Variants in CTNNA3 observed in about 807,000 individuals in gnomAD.
CTNNA3 encodes catenin alpha-3.
In CTNNA3, 76 loss-of-function variants were observed where a neutral mutation model predicts 95.7. The ratio of observed to expected loss-of-function variants is 0.79; its 90% CI spans 0.66 to 0.96. The LOEUF is 0.96. Ranked by LOEUF, CTNNA3 falls within the 40% of genes least tolerant of loss-of-function variation. CTNNA3 has a pLI of 0.00. For synonymous variants in CTNNA3, 431 were observed against 374.4 expected (o/e 1.15, Z -1.74); for missense variants, 1,191 against 1,089.8 (o/e 1.09, Z -1.31).
chr10:66,487,985 T>C (rs10997176), intron 11 of CTNNA3, among the ~76,000 whole-genome samples: 9,771 of 152,228 alleles, frequency 0.064, 663 homozygotes, highest in African/African-American at 0.17. Context: ...TATTTGTGTA[T>C]ATGGGTAGAA....
At chr10:66,429,746 A>C (rs10466002) in intron 11 of CTNNA3, among the ~76,000 whole-genome samples, 62,405 of 151,796 alleles carry the variant, frequency 0.41, 13,873 homozygotes, top group East Asian at 0.6. Flanking sequence ...ATTGATGGGA[A>C]GTATCTAAAA....
At chr10:67,348,339 C>T (rs970464575) in intron 5 of CTNNA3, among the ~76,000 whole-genome samples, 4 of 152,062 alleles carry the variant, frequency 2.6e-5, no homozygotes, top group East Asian at 1.9e-4. Context: ...GCAAAGGAAA[C>T]AATTGACAGG....
intron 17 of CTNNA3, among the ~76,000 whole-genome samples, chr10:65,958,888 C>T (rs1242276106): frequency 2.0e-5 from 3 of 152,188 alleles, no homozygotes; most frequent in African/African-American, 7.2e-5. Context: ...TCTCAAACTC[C>T]ATGCTGGGAA....
chr10:67,609,937 T>G (rs1843405320), intron 2 of CTNNA3, among the ~76,000 whole-genome samples: 1 of 152,198 alleles, frequency 6.6e-6, no homozygotes, highest in South Asian at 2.1e-4. Flanking sequence ...AGAATAATAA[T>G]AAGCCTGATT....
At chr10:66,900,260 C>G (rs888039297) in intron 7 of CTNNA3, among the ~76,000 whole-genome samples, 8 of 152,168 alleles carry the variant, frequency 5.3e-5, no homozygotes, top group Non-Finnish European at 1.2e-4. Flanking sequence ...CAAACTCCAA[C>G]AGACCTGCAG....
intron 5 of CTNNA3, among the ~76,000 whole-genome samples, chr10:67,234,501 TG>T (rs1307902557): frequency 6.6e-6 from 1 of 152,212 alleles, no homozygotes; most frequent in Admixed American, 6.5e-5. Flanking sequence ...TAGGTATTGA[TG>T]GGGCGTATTT....
rs192563251 is a variant in CTNNA3, at chr10:67,537,982, T to C, written c.459+1521A>G. ...AGCTACTTAAACTAAAAAAAAAAGA[T>C]TGAATTGCTCTTTTTACTGTAATAA... On this transcript the variant is annotated intron_variant, in intron 4 of 17. Transcript: ENST00000433211. 4.5e-3 allele frequency among the ~76,000 whole-genome samples: 664 copies of C among 147,970 alleles called. 4 individuals carry two copies. Among genetic ancestry groups the C allele is most frequent in the Non-Finnish European group, 4.6e-3 (310 of 67,094 alleles).
intron 11 of CTNNA3, among the ~76,000 whole-genome samples, chr10:66,405,780 T>C (rs185567643): frequency 1.6e-4 from 25 of 152,272 alleles, no homozygotes; most frequent in African/African-American, 4.8e-4. Flanking sequence ...TCTTGCTTTT[T>C]CTTGACAACC....
chr10:67,028,629 ACAACAAG>A (rs1853533465), intron 7 of CTNNA3, among the ~76,000 whole-genome samples: 4 of 146,576 alleles, frequency 2.7e-5, no homozygotes, highest in African/African-American at 1.0e-4. Flanking sequence ...GATAACTGAT[ACAACAAG>A]CTAGTTCTAC....
chr10:66,270,565 G>A (rs771688997), intron 13 of CTNNA3, among the ~76,000 whole-genome samples: 34 of 152,004 alleles, frequency 2.2e-4, no homozygotes, highest in Non-Finnish European at 4.7e-4. Flanking sequence ...TCTTTTGTGG[G>A]AACAAAGAAA....
intron 6 of CTNNA3, among the ~76,000 whole-genome samples, chr10:67,209,468 G>C (rs1172832778): frequency 6.6e-6 from 1 of 152,162 alleles, no homozygotes; most frequent in Non-Finnish European, 1.5e-5. Context: ...ACAGAAAACA[G>C]AAGTAAGAAT....
intron 8 of CTNNA3, among the ~76,000 whole-genome samples, chr10:66,773,672 G>A (rs1589239442): frequency 1.3e-5 from 2 of 152,268 alleles, no homozygotes; most frequent in South Asian, 2.1e-4. Context: ...TGTTTGTGGT[G>A]GTTTGTTAAA....
At chr10:66,001,608 T>G (rs904906675) in intron 15 of CTNNA3, among the ~76,000 whole-genome samples, 8 of 152,174 alleles carry the variant, frequency 5.3e-5, no homozygotes, top group Admixed American at 4.6e-4. Flanking sequence ...TGTCACATGG[T>G]AAGGAATAGA....
chr10:66,552,205 G>A (rs1290154787), intron 10 of CTNNA3, among the ~76,000 whole-genome samples: 2 of 152,090 alleles, frequency 1.3e-5, no homozygotes, highest in East Asian at 1.9e-4. Flanking sequence ...TCTTGGCCGG[G>A]ATTAGGGAAT....
At chr10:66,876,828 T>C (rs541898413) in intron 7 of CTNNA3, among the ~76,000 whole-genome samples, 1 of 152,082 alleles carries the variant, frequency 6.6e-6, no homozygotes, top group Non-Finnish European at 1.5e-5. Context: ...CAGGCACAGA[T>C]AAGGAGGAAA....
chr10:67,235,757 T>C lies in CTNNA3; in HGVS notation c.580-15887A>G, dbSNP rs374060792. Among the ~76,000 whole-genome samples the C allele has an allele frequency of 6.2e-3, 889 of 143,530 alleles. 46 individuals are homozygous for C. Among genetic ancestry groups the C allele is most frequent in the Middle Eastern group, 0.017 (5 of 286 alleles). The allele number at this position is 143,530 out of a possible 152,430, so 94.2% of individuals were successfully genotyped here. ...ACAAAATGGGAGAAAATTTTTGCAA[T>C]CTACTCATCTGACAAAGGGCTAATA... On this transcript the variant is annotated intron_variant, in intron 5 of 17. Transcript: ENST00000433211.
At chr10:66,539,149 A>G (rs1841760248) in intron 10 of CTNNA3, among the ~76,000 whole-genome samples, 1 of 151,426 alleles carries the variant, frequency 6.6e-6, no homozygotes, top group Non-Finnish European at 1.5e-5. Flanking sequence ...AAGGTTTATT[A>G]GCCAGCTATA....
At position 66,280,622 on chromosome 10, in the gene CTNNA3, C is replaced by A. The variant is rs193155648; in HGVS notation, c.1733-1G>T. On this transcript the variant is annotated splice_acceptor_variant, in intron 12 of 17. Coordinates refer to ENST00000433211, the MANE Select transcript of CTNNA3 (RefSeq NM_013266.4). LOFTEE classifies it high-confidence loss of function. ...ACTTGTGTTACAAATTCAGGAATTA[C>A]TGTTAAAATAAAGAATAAGGAGAAG... is the stretch of plus-strand genomic sequence containing the variant. 1 of 1,601,400 alleles carries A rather than the reference C, an allele frequency of 6.2e-7. No homozygotes were observed. Among genetic ancestry groups the A allele is most frequent in the East Asian group, 2.2e-5 (1 of 44,462 alleles).
chr10:66,028,405 CT>C (rs2133448638), intron 15 of CTNNA3, among the ~76,000 whole-genome samples: 1 of 152,246 alleles, frequency 6.6e-6, no homozygotes, highest in Non-Finnish European at 1.5e-5. Flanking sequence ...CCATGGAATA[CT>C]ATGCAGCCAT....
Sources: gnomAD v4.1 joint callset for allele counts (sites outside exome capture counted in the v4.1 genomes callset) on GRCh38, gnomAD v4.1.1 for gene constraint, MANE v1.5 for transcripts, NCBI Gene and HGNC (gene_info 2026-07-23, HGNC 2026-07-21) for gene names.